Variants in SUCO observed in about 807,000 individuals in gnomAD.
SUCO encodes SUN domain-containing ossification factor.
SUCO carries 57 observed loss-of-function variants against 148.1 expected under a neutral mutation model. The ratio of observed to expected loss-of-function variants is 0.38; its 90% CI spans 0.31 to 0.48. The LOEUF (loss-of-function observed/expected upper bound fraction) is 0.48. Among genes scored for constraint, SUCO ranks in the 20% least tolerant of loss-of-function variants. The pLI is 0.96. For synonymous variants in SUCO, 470 were observed against 502.7 expected (o/e 0.93, Z 0.87); for missense variants, 1,331 against 1,468.2 (o/e 0.91, Z 1.53).
chr1:172,589,516 T>TA lies in SUCO; in HGVS notation c.2416dup (p.Ile806AsnfsTer17), dbSNP rs1656481817. ...ATAAAGTTAATGAGTTAATGGATAA[T>TA]ATTATAAAAGAAGATGTGAACTCCA... On this transcript the variant is annotated frameshift_variant, in exon 18 of 24. Transcript: ENST00000263688. LOFTEE classifies it high-confidence loss of function. 6.2e-7 allele frequency: 1 copy of TA among 1,613,012 alleles called. No individual in the cohort carries two copies.
intron 1 of SUCO, among the ~76,000 whole-genome samples, chr1:172,538,229 A>G (rs1433356778): frequency 6.6e-6 from 1 of 150,922 alleles, no homozygotes; most frequent in South Asian, 2.1e-4. Context: ...TCGTGGTCCC[A>G]CTAGAAGAGA....
intron 19 of SUCO, among the ~76,000 whole-genome samples, chr1:172,596,499 C>T (rs1425146612): frequency 6.6e-6 from 1 of 152,240 alleles, no homozygotes; most frequent in African/African-American, 2.4e-5. Context: ...AGTTTTCCTT[C>T]TCACAGTCAG....
upstream of SUCO, chr1:172,532,716 T>C (rs74124228): frequency 6.6e-3 from 10,623 of 1,613,842 alleles, 538 homozygotes; most frequent in African/African-American, 0.12. Context: ...TAGGAGGGAC[T>C]GGGAAAGAGA....
At chr1:172,549,893 A>G (rs1653156582) in intron 1 of SUCO, among the ~76,000 whole-genome samples, 1 of 150,842 alleles carries the variant, frequency 6.6e-6, no homozygotes, top group African/African-American at 2.4e-5. Context: ...CCTTCAGGGA[A>G]AAAAAAAAAA....
chr1:172,567,657 T>G (rs1006227054), intron 6 of SUCO, among the ~76,000 whole-genome samples: 1 of 152,218 alleles, frequency 6.6e-6, no homozygotes, highest in Non-Finnish European at 1.5e-5. Flanking sequence ...TTTTTGGTAT[T>G]AAAAGCAATG....
chr1:172,585,930 C>A lies in SUCO; in HGVS notation c.1640C>A (p.Thr547Asn). 6.2e-7 allele frequency: 1 copy of A among 1,607,930 alleles called. No homozygotes were observed. Among genetic ancestry groups the A allele is most frequent in the Non-Finnish European group, 8.5e-7 (1 of 1,176,022 alleles). The change falls in exon 17 of 24, where the codon ACT (threonine) becomes AAT (asparagine). Residue 547 changes from threonine to asparagine, a missense_variant. Thr to Asn is a moderately conservative substitution (Grantham distance 65). Transcript: ENST00000263688. ...PKMPESTPVSTPVPSPEYVTT... is the reference protein window; with the variant it reads ...PKMPESTPVSNPVPSPEYVTT... ...ATGCCTGAATCAACTCCTGTTTCAA[C>A]TCCTGTTCCATCTCCTGAGTAAGTT...
intron 1 of SUCO, among the ~76,000 whole-genome samples, chr1:172,549,079 T>A (rs1329812401): frequency 1.3e-5 from 2 of 151,938 alleles, no homozygotes; most frequent in African/African-American, 4.8e-5. Flanking sequence ...ACATAATGTT[T>A]TCCATCTTGT....
chr1:172,586,372 G>T (rs1255556249), intron 17 of SUCO, among the ~76,000 whole-genome samples: 1 of 152,148 alleles, frequency 6.6e-6, no homozygotes, highest in Non-Finnish European at 1.5e-5. Flanking sequence ...CTTGAATAAT[G>T]TATTTGCCAC....
chr1:172,600,339 T>TA (rs1208318785), intron 20 of SUCO, among the ~76,000 whole-genome samples, 171 bp downstream of exon 20: 26 of 152,340 alleles, frequency 1.7e-4, no homozygotes, highest in Admixed American at 7.8e-4. Context: ...GAAAATATAT[T>TA]ATCATAGTCT....
At chr1:172,566,030 G>T (rs1322159029) in intron 6 of SUCO, among the ~76,000 whole-genome samples, 1 of 152,206 alleles carries the variant, frequency 6.6e-6, no homozygotes, top group Non-Finnish European at 1.5e-5. Flanking sequence ...CTCAGCTGCT[G>T]CAGTGGGAGG....
At position 172,570,655 on chromosome 1, in the gene SUCO, TA is replaced by T; in HGVS notation, c.982-4del. ...AGTAATTTGTTTCCTTTCCTCTTTT[TA>T]AAATAGAGCACATCTGCTATTCTTA... On this transcript the variant is annotated splice_polypyrimidine_tract_variant and splice_region_variant and intron_variant, in intron 8 of 23. Coordinates refer to ENST00000263688, the MANE Select transcript of SUCO (RefSeq NM_014283.5). 6.4e-7 allele frequency: 1 copy of T among 1,560,112 alleles called. No homozygotes were observed. Among genetic ancestry groups the T allele is most frequent in the South Asian group, 1.1e-5 (1 of 87,786 alleles).
At chr1:172,586,676 T>G (rs1410346649) in intron 17 of SUCO, among the ~76,000 whole-genome samples, 1 of 152,128 alleles carries the variant, frequency 6.6e-6, no homozygotes, top group Non-Finnish European at 1.5e-5. Flanking sequence ...TTAGAACAAC[T>G]CTACTTAAAG....
At position 172,564,572 on chromosome 1, in the gene SUCO, C is replaced by G. The variant is rs773275089; in HGVS notation, c.733-4447C>G. On this transcript the variant is annotated intron_variant, in intron 6 of 23. Transcript: ENST00000263688. ...CCTGAGGCCTTCTCAACTGTGTTTC[C>G]TGTACAGCCTGCAGAACTGTGATTC... Among the ~76,000 whole-genome samples the G allele has an allele frequency of 5.9e-4, 89 of 151,830 alleles. 2 individuals carry two copies. The highest frequency in any genetic ancestry group is 1.8e-4 in the Non-Finnish European group (12 of 67,976).
Position 172,533,392 on chromosome 1 carries a change from G to T in SUCO, c.-44G>T. The T allele has an allele frequency of 6.4e-7, 1 of 1,551,878 alleles. No homozygotes were observed. Among genetic ancestry groups the T allele is most frequent in the Non-Finnish European group, 8.7e-7 (1 of 1,147,198 alleles). On this transcript the variant is annotated 5_prime_UTR_variant, in exon 1 of 24. Transcript: ENST00000263688. ...CTTGGCCTCGGCAGTGGCGGCTGCC[G>T]GGAGGATGTGCCGCCTTCTGGCAGG...
chr1:172,585,297 T>C lies in SUCO; in HGVS notation c.1567+211T>C, dbSNP rs145968924. ...AAGAATACTGTCTATATAAAACTTA[T>C]GAATTTGCCTTTTGACTTCTCCTAG... On this transcript the variant is annotated intron_variant, in intron 16 of 23. Transcript: ENST00000263688. 1.4e-3 allele frequency: 409 copies of C among 284,928 alleles called. 1 individual carries two copies. The highest frequency in any genetic ancestry group is 8.7e-3 in the African/African-American group (384 of 44,070). The allele number at this position is 284,928 out of a possible 1,614,324, so 17.6% of individuals were successfully genotyped here.
chr1:172,562,196 C>A (rs1415902867), intron 6 of SUCO, among the ~76,000 whole-genome samples: 1 of 152,076 alleles, frequency 6.6e-6, no homozygotes, highest in Non-Finnish European at 1.5e-5. Context: ...GAAAAACTCA[C>A]AGGAGCTCAC....
At chr1:172,546,476 T>C (rs1652867479) in intron 1 of SUCO, among the ~76,000 whole-genome samples, 1 of 152,224 alleles carries the variant, frequency 6.6e-6, no homozygotes, top group Non-Finnish European at 1.5e-5. Flanking sequence ...AACTACTTCA[T>C]GATTTTCGTA....
chr1:172,533,283 G>C lies in SUCO; in HGVS notation c.-153G>C. 1 of 1,549,836 alleles carries C rather than the reference G, an allele frequency of 6.5e-7. No individual in the cohort carries two copies. Among genetic ancestry groups the C allele is most frequent in the East Asian group, 2.4e-5 (1 of 40,898 alleles). On this transcript the variant is annotated 5_prime_UTR_variant, in exon 1 of 24. Transcript: ENST00000263688. Reference sequence around the variant, plus strand: ...CCCTCAGAGAGGGCTGCCAGGACGCGAGCCACTGAGGAGCCGCTCAGCCAG... The same window carrying C: ...CCCTCAGAGAGGGCTGCCAGGACGCCAGCCACTGAGGAGCCGCTCAGCCAG...
intron 17 of SUCO, among the ~76,000 whole-genome samples, chr1:172,586,601 TG>T (rs1656263901): frequency 2.0e-5 from 3 of 152,178 alleles, no homozygotes; most frequent in East Asian, 3.8e-4. Flanking sequence ...AGGTAGTTAT[TG>T]TAGACTTAAT....
Sources: gnomAD v4.1 joint callset for allele counts (sites outside exome capture counted in the v4.1 genomes callset) on GRCh38, gnomAD v4.1.1 for gene constraint, MANE v1.5 for transcripts, NCBI Gene and HGNC (gene_info 2026-07-23, HGNC 2026-07-21) for gene names.